Variants in EIF2D observed in about 807,000 individuals in gnomAD.
The protein encoded by EIF2D is hepatocellular carcinoma-associated antigen 56.
A neutral mutation model predicts 77.4 loss-of-function variants in EIF2D; 56 were observed. That is an observed-to-expected ratio of 0.72 (90% CI 0.58 to 0.90). The LOEUF (loss-of-function observed/expected upper bound fraction) is 0.90. Ranked by LOEUF, EIF2D falls within the 40% of genes least tolerant of loss-of-function variation. EIF2D has a pLI of 0.00. For synonymous variants in EIF2D, 230 were observed against 271.0 expected, an observed-to-expected ratio of 0.85 and a Z score of 1.49; for missense variants, 574 against 706.5, an observed-to-expected ratio of 0.81 and a Z score of 2.13.
rs946796576 is a variant in EIF2D at position 206,574,891 on chromosome 1, G to T, written c.*255-2192C>A. 7.0e-5 allele frequency among the ~76,000 whole-genome samples: 9 copies of T among 128,518 alleles called. 1 individual carries two copies. The highest frequency in any genetic ancestry group is 2.7e-4 in the African/African-American group (9 of 33,716). The allele number at this position is 128,518 out of a possible 152,430, so 84.3% of individuals were successfully genotyped here. ...TTTTTTTTTTTTGAGATGGAGTCTC[G>T]CTCTGTCATCCAGGCTGGAGTGCAG... On this transcript the variant is annotated intron_variant and NMD_transcript_variant, in intron 4 of 5. Transcript: ENST00000472709.
intron 4 of EIF2D, among the ~76,000 whole-genome samples, chr1:206,573,121 C>A (rs1558518239): frequency 6.6e-6 from 1 of 152,182 alleles, no homozygotes; most frequent in African/African-American, 2.4e-5. Context: ...ACTTTGAGGC[C>A]TGAGATCTCA....
At position 206,602,386 on chromosome 1, in the gene EIF2D, G is replaced by A; in HGVS notation, c.852C>T (p.Asp284=). 1 of 1,614,224 alleles carries A rather than the reference G, an allele frequency of 6.2e-7. No individual in the cohort carries two copies. The highest frequency in any genetic ancestry group is 8.5e-7 in the Non-Finnish European group (1 of 1,180,038). Residue 284 remains aspartate (D), a synonymous_variant, in exon 7 of 15, where the codon GAC becomes GAT. Transcript: ENST00000271764. ...HALKCRVKKA[D]LPLLTSTFLG... is the part of the protein sequence containing the mutation. ...GGAAAGTGCTGGTGAGTAAAGGGAGGTCAGCCTTTTTGACTCGGCACTTCA... is the reference window on the plus strand; with the variant it reads ...GGAAAGTGCTGGTGAGTAAAGGGAGATCAGCCTTTTTGACTCGGCACTTCA...
rs1670553603 is a variant in EIF2D, at chr1:206,612,450, C to A, written c.-108G>T. The A allele has an allele frequency of 6.8e-7, 1 of 1,461,780 alleles. No individual in the cohort carries two copies. The highest frequency in any genetic ancestry group is 9.5e-7 in the Non-Finnish European group (1 of 1,051,420). The allele number at this position is 1,461,780 out of a possible 1,614,324, so 90.6% of individuals were successfully genotyped here. On this transcript the variant is annotated 5_prime_UTR_variant, in exon 1 of 15. Transcript: ENST00000271764. ...AGCCGTGGGGGCAGCCATGCTGGGG[C>A]CCGGCCGCGAAAAGGGCCCGGCTGG...
rs782084550 is a variant in EIF2D, at chr1:206,599,064, C to T, written c.1231G>A (p.Val411Ile). The change falls in exon 11 of 15, where the codon GTC becomes ATC. Residue 411 changes from valine to isoleucine, a missense_variant. Coordinates refer to ENST00000271764, the MANE Select transcript of EIF2D (RefSeq NM_006893.3). The surrounding 1 kb of genome is among the most constrained non-coding windows in gnomAD (Gnocchi z 4.1). ...GCGTAGTTAATGACGATCGTTCGGA[C>T]CTCACTGCCCTCCAGAAAGCTCCCC... ...KKGSFLEGSE[V>I]RTIVINYAKK... 156 of 1,614,054 alleles carry T rather than the reference C, an allele frequency of 9.7e-5. No individual in the cohort carries two copies. Among genetic ancestry groups the T allele is most frequent in the Non-Finnish European group, 1.2e-4 (137 of 1,180,044 alleles).
At chr1:206,578,580 CT>C (rs1558520803) in intron 4 of EIF2D, among the ~76,000 whole-genome samples, 1 of 152,116 alleles carries the variant, frequency 6.6e-6, no homozygotes, top group Non-Finnish European at 1.5e-5. Flanking sequence ...GGAGGAAAGA[CT>C]GACAAATTTA....
chr1:206,605,604 G>A (rs781842698), intron 4 of EIF2D, 97 bp from the exon 5 acceptor site: 31 of 1,044,634 alleles, frequency 3.0e-5, no homozygotes, highest in Non-Finnish European at 4.3e-5. Context: ...AAATACCAAG[G>A]TTACCAATTC....
intron 2 of EIF2D, among the ~76,000 whole-genome samples, chr1:206,610,865 C>G (rs1391932316): frequency 6.6e-6 from 1 of 152,190 alleles, no homozygotes; most frequent in African/African-American, 2.4e-5. Context: ...GACCTCTGCT[C>G]TATTCCTAGT....
intron 11 of EIF2D, among the ~76,000 whole-genome samples, chr1:206,597,813 C>T (rs931876344): frequency 3.9e-5 from 6 of 152,052 alleles, no homozygotes; most frequent in Admixed American, 6.6e-5. Context: ...GGCATGGTGG[C>T]GCATCCCTGT....
chr1:206,598,393 A>G (rs1669751975), intron 11 of EIF2D, among the ~76,000 whole-genome samples: 1 of 152,216 alleles, frequency 6.6e-6, no homozygotes, highest in African/African-American at 2.4e-5. Flanking sequence ...TACCATCTGT[A>G]TCTCCTTTTA....
At chr1:206,578,716 C>T (rs1668752799) in intron 4 of EIF2D, among the ~76,000 whole-genome samples, 1 of 152,180 alleles carries the variant, frequency 6.6e-6, no homozygotes, top group South Asian at 2.1e-4. Flanking sequence ...TCAGCCCACC[C>T]TCATCCTGGG....
chr1:206,606,654 A>G (rs1407159366), intron 4 of EIF2D, among the ~76,000 whole-genome samples: 1 of 152,224 alleles, frequency 6.6e-6, no homozygotes. Flanking sequence ...GCGTTCAAGG[A>G]AAATAGAATA....
chr1:206,599,405 A>G lies in EIF2D; in HGVS notation c.1202+58T>C. ...GCAAAAGAGCACTACTCAGGTTGAG[A>G]GGAACTGTAGGCCAGAACACCAAGC... is the stretch of plus-strand genomic sequence containing the variant. On this transcript the variant is annotated intron_variant, in intron 10 of 14. Coordinates refer to ENST00000271764, the MANE Select transcript of EIF2D (RefSeq NM_006893.3). The surrounding 1 kb of genome is among the most constrained non-coding windows in gnomAD (Gnocchi z 4.1). 2 of 1,596,094 alleles carry G rather than the reference A, an allele frequency of 1.3e-6. No homozygotes were observed. Among genetic ancestry groups the G allele is most frequent in the Non-Finnish European group, 1.7e-6 (2 of 1,172,136 alleles).
chr1:206,602,384 A>C lies in EIF2D; in HGVS notation c.854T>G (p.Leu285Arg). 1 of 1,614,222 alleles carries C rather than the reference A, an allele frequency of 6.2e-7. No individual in the cohort carries two copies. Among genetic ancestry groups the C allele is most frequent in the Non-Finnish European group, 8.5e-7 (1 of 1,180,038 alleles). Reference sequence around the variant, plus strand: ...AAGGAAAGTGCTGGTGAGTAAAGGGAGGTCAGCCTTTTTGACTCGGCACTT... The same window carrying C: ...AAGGAAAGTGCTGGTGAGTAAAGGGCGGTCAGCCTTTTTGACTCGGCACTT... ...ALKCRVKKADLPLLTSTFLGS... is the reference protein window; with the variant it reads ...ALKCRVKKADRPLLTSTFLGS... Residue 285 changes from leucine (L) to arginine (R), a missense_variant, in exon 7 of 15, where the codon CTC becomes CGC. By Grantham distance (102) the Leu-to-Arg change is moderately radical (BLOSUM62 -2). Coordinates refer to ENST00000271764, the MANE Select transcript of EIF2D (RefSeq NM_006893.3).
chr1:206,601,515 G>C (rs1572400747), intron 7 of EIF2D: 1 of 152,294 alleles, frequency 6.6e-6, no homozygotes, highest in East Asian at 1.9e-4. Flanking sequence ...GGGTTGCAGT[G>C]AGCCGAGATC....
rs1670551583 is a variant in EIF2D at position 206,612,433 on chromosome 1, G to C, written c.-91C>G. 1 of 1,550,202 alleles carries C rather than the reference G, an allele frequency of 6.5e-7. No homozygotes were observed. Among genetic ancestry groups the C allele is most frequent in the South Asian group, 1.1e-5 (1 of 89,742 alleles). ...GCAGCTGCCAGGCCCTCAGCCGTGG[G>C]GGCAGCCATGCTGGGGCCCGGCCGC... On this transcript the variant is annotated 5_prime_UTR_variant, in exon 1 of 15. Transcript: ENST00000271764.
chr1:206,599,830 T>TA lies in EIF2D; in HGVS notation c.954dup (p.Lys319Ter), dbSNP rs1669833372. On this transcript the variant is annotated frameshift_variant, in exon 9 of 15. Coordinates refer to ENST00000271764, the MANE Select transcript of EIF2D (RefSeq NM_006893.3). LOFTEE classifies it high-confidence loss of function. The surrounding 1 kb of genome is among the most constrained non-coding windows in gnomAD (Gnocchi z 4.1). ...TCCTGCTGCATTTGCTGCAGGAACT[T>TA]AGAGAGCTAAGGGAGAGAGGGCCAG... is the stretch of plus-strand genomic sequence containing the variant. 1 of 1,613,962 alleles carries TA rather than the reference T, an allele frequency of 6.2e-7. No homozygotes were observed. Among genetic ancestry groups the TA allele is most frequent in the Non-Finnish European group, 8.5e-7 (1 of 1,179,982 alleles).
chr1:206,600,186 C>A, intron 8 of EIF2D, 77 bp downstream of exon 8: 1 of 1,425,294 alleles, frequency 7.0e-7, no homozygotes, highest in South Asian at 1.2e-5. Flanking sequence ...AAGGCTTCCC[C>A]AGCATCCATC....
At chr1:206,611,009 C>G in intron 2 of EIF2D, 175 bp downstream of exon 2, 1 of 573,230 alleles carries the variant, frequency 1.7e-6, no homozygotes, top group Non-Finnish European at 3.0e-6. Context: ...CCTTTTGCAT[C>G]CTAGAATTGA....
intron 12 of EIF2D, 65 bp from the exon 13 acceptor site, chr1:206,595,903 T>G: frequency 6.3e-7 from 1 of 1,589,234 alleles, no homozygotes; most frequent in Non-Finnish European, 8.6e-7. Flanking sequence ...CATACCCCAC[T>G]ACCAGCAGGC....
Sources: gnomAD v4.1 joint callset for allele counts (sites outside exome capture counted in the v4.1 genomes callset) on GRCh38, gnomAD v4.1.1 for gene constraint, Gnocchi (gnomAD v3.1) non-coding constraint, MANE v1.5 for transcripts, NCBI Gene and HGNC (gene_info 2026-07-23, HGNC 2026-07-21) for gene names.